TTC27: variants seen among roughly 807,000 people sequenced by gnomAD.
The protein encoded by TTC27 is tetratricopeptide repeat protein 27.
In TTC27, 79 loss-of-function variants were observed where a neutral mutation model predicts 115.9. The observed-to-expected ratio is 0.68, with a 90% CI of 0.57 to 0.82. TTC27 has a LOEUF of 0.82. TTC27 is among the 40% of genes least tolerant of loss of function. The pLI, the probability that TTC27 is intolerant of heterozygous loss-of-function variation, is 0.00. For missense variants in TTC27, 1,054 were observed against 993.1 expected, an observed-to-expected ratio of 1.06 and a Z score of -0.82; for synonymous variants, 401 against 356.0, an observed-to-expected ratio of 1.13 and a Z score of -1.42.
At chr2:32,789,746 C>A (rs898233994) in intron 16 of TTC27, among the ~76,000 whole-genome samples, 1 of 151,308 alleles carries the variant, frequency 6.6e-6, no homozygotes, top group African/African-American at 2.4e-5. Context: ...ATTGCAAAAC[C>A]CTTTCTCTAC....
At chr2:32,787,903 G>A (rs1487051961) in intron 16 of TTC27, among the ~76,000 whole-genome samples, 1 of 152,112 alleles carries the variant, frequency 6.6e-6, no homozygotes, top group East Asian at 1.9e-4. Context: ...AAAGGGTAGG[G>A]GCTCTAGTGA....
intron 10 of TTC27, among the ~76,000 whole-genome samples, chr2:32,722,226 T>C (rs1667957108): frequency 6.6e-6 from 1 of 152,170 alleles, no homozygotes; most frequent in South Asian, 2.1e-4. Context: ...CCATCAAGAT[T>C]TTCACATATC....
At chr2:32,635,194 A>T (rs1572459244) in intron 3 of TTC27, 1 of 152,350 alleles carries the variant, frequency 6.6e-6, no homozygotes, top group East Asian at 1.9e-4. Flanking sequence ...CTAGTATGAG[A>T]TGATCTACAA....
At chr2:32,708,101 C>T (rs953210045) in intron 10 of TTC27, among the ~76,000 whole-genome samples, 3 of 152,048 alleles carry the variant, frequency 2.0e-5, no homozygotes, top group Non-Finnish European at 4.4e-5. Context: ...TTGAACTATA[C>T]AGGTTCGCTT....
intron 15 of TTC27, among the ~76,000 whole-genome samples, chr2:32,785,947 C>T (rs951878197): frequency 1.3e-5 from 2 of 152,068 alleles, no homozygotes; most frequent in African/African-American, 4.8e-5. Context: ...ATTTTATTCA[C>T]ATCTCCTTGT....
intron 8 of TTC27, among the ~76,000 whole-genome samples, chr2:32,673,496 G>T (rs1666088139): frequency 6.6e-6 from 1 of 152,006 alleles, no homozygotes; most frequent in South Asian, 2.1e-4. Flanking sequence ...CAGAGTGCTG[G>T]GATTACAGGC....
At chr2:32,668,475 A>G (rs1270967179) in intron 7 of TTC27, among the ~76,000 whole-genome samples, 3 of 150,882 alleles carry the variant, frequency 2.0e-5, no homozygotes, top group Non-Finnish European at 4.4e-5. Context: ...TTTAATACAG[A>G]ATTTTAATCG....
At chr2:32,722,641 T>C (rs1667966745) in intron 10 of TTC27, among the ~76,000 whole-genome samples, 2 of 152,174 alleles carry the variant, frequency 1.3e-5, no homozygotes, top group Admixed American at 1.3e-4. Context: ...CTAAGGAAGC[T>C]ATGAGAACTG....
intron 5 of TTC27, 27 bp from the exon 6 acceptor site, chr2:32,664,276 T>G: frequency 1.3e-6 from 2 of 1,571,194 alleles, no homozygotes; most frequent in Non-Finnish European, 1.7e-6. Flanking sequence ...CATCATAACT[T>G]TTAATGTTTT....
chr2:32,747,204 C>T (rs758562017), intron 12 of TTC27, among the ~76,000 whole-genome samples: 4 of 152,090 alleles, frequency 2.6e-5, no homozygotes, highest in Non-Finnish European at 5.9e-5. Flanking sequence ...TATATGAAAT[C>T]CTGAGTACCC....
At chr2:32,749,234 T>G (rs1348890889) in intron 12 of TTC27, among the ~76,000 whole-genome samples, 2 of 152,226 alleles carry the variant, frequency 1.3e-5, no homozygotes, top group Non-Finnish European at 2.9e-5. Flanking sequence ...TGAACAAGCT[T>G]AGAATTAGGT....
intron 16 of TTC27, among the ~76,000 whole-genome samples, chr2:32,804,641 C>T (rs1427248544): frequency 2.0e-5 from 3 of 151,900 alleles, no homozygotes; most frequent in Admixed American, 6.6e-5. Flanking sequence ...TATTATAAAA[C>T]TTACACATAA....
intron 10 of TTC27, among the ~76,000 whole-genome samples, chr2:32,730,413 G>T (rs933727706): frequency 2.6e-5 from 4 of 151,976 alleles, no homozygotes; most frequent in African/African-American, 9.7e-5. Context: ...TCCATTTATT[G>T]TGCCTGTAAA....
rs531753018 is a variant in TTC27, at chr2:32,652,218, A to G, written c.640+1985A>G. Reference sequence around the variant, plus strand: ...GAAACCCTGTCTGTACTAAAATACAAAAATTAGCTGGGCATGGTGGTGGGC... The same window carrying G: ...GAAACCCTGTCTGTACTAAAATACAGAAATTAGCTGGGCATGGTGGTGGGC... On this transcript the variant is annotated intron_variant, in intron 5 of 19. Coordinates refer to ENST00000317907, the MANE Select transcript of TTC27 (RefSeq NM_017735.5). Among the ~76,000 whole-genome samples the G allele has an allele frequency of 3.3e-5, 5 of 152,254 alleles. No individual in the cohort carries two copies. In the East Asian group the frequency reaches 9.7e-4, roughly 29 times the overall value.
At chr2:32,691,234 A>G (rs1225281252) in intron 9 of TTC27, among the ~76,000 whole-genome samples, 1 of 152,126 alleles carries the variant, frequency 6.6e-6, no homozygotes, top group African/African-American at 2.4e-5. Context: ...ATACAGTGGG[A>G]AATTGCTAGC....
intron 12 of TTC27, among the ~76,000 whole-genome samples, chr2:32,755,453 C>T (rs1208494627): frequency 1.3e-5 from 2 of 152,250 alleles, no homozygotes; most frequent in Non-Finnish European, 2.9e-5. Flanking sequence ...CGTGGCAGCG[C>T]GTGCCTGCAA....
chr2:32,720,178 C>T (rs1667876778), intron 10 of TTC27, among the ~76,000 whole-genome samples: 1 of 152,078 alleles, frequency 6.6e-6, no homozygotes. Context: ...TTTTTGGACT[C>T]TGTGTTATCA....
intron 10 of TTC27, among the ~76,000 whole-genome samples, chr2:32,731,516 T>C (rs1254926728): frequency 6.6e-6 from 1 of 152,084 alleles, no homozygotes; most frequent in Non-Finnish European, 1.5e-5. Context: ...GCTGGGCCCA[T>C]GGGCACGTGC....
intron 5 of TTC27, among the ~76,000 whole-genome samples, chr2:32,661,454 G>A (rs1004129801): frequency 1.3e-5 from 2 of 152,084 alleles, no homozygotes; most frequent in Non-Finnish European, 2.9e-5. Flanking sequence ...TTGAGCAGTG[G>A]TTTGTAGTTC....
Sources: gnomAD v4.1 joint callset for allele counts (sites outside exome capture counted in the v4.1 genomes callset) on GRCh38, gnomAD v4.1.1 for gene constraint, MANE v1.5 for transcripts, NCBI Gene and HGNC (gene_info 2026-07-23, HGNC 2026-07-21) for gene names.